SYNE3: variants seen among roughly 807,000 people sequenced by gnomAD.
SYNE3 encodes the protein nesprin-3.
SYNE3 carries 100 observed loss-of-function variants against 111.2 expected under a neutral mutation model. The observed-to-expected ratio is 0.90, with a 90% CI of 0.77 to 1.06. The LOEUF (loss-of-function observed/expected upper bound fraction) is 1.06, where lower values mean the gene tolerates loss of function less well. SYNE3 is among the 50% of genes least tolerant of loss of function. The pLI, the probability that SYNE3 is intolerant of heterozygous loss-of-function variation, is 0.00. For synonymous variants in SYNE3, 547 were observed against 533.9 expected, an observed-to-expected ratio of 1.02 and a Z score of -0.34; for missense variants, 1,160 against 1,240.3, an observed-to-expected ratio of 0.94 and a Z score of 0.97.
chr14:95,433,512 G>A (rs1595184579), intron 15 of SYNE3, 103 bp from the exon 16 acceptor site: 1 of 1,497,086 alleles, frequency 6.7e-7, no homozygotes, highest in Non-Finnish European at 9.1e-7. Context: ...CAGACAGGTA[G>A]GCAGGGAGGA....
chr14:95,493,223 G>T (rs1889931045), intron 1 of SYNE3, among the ~76,000 whole-genome samples: 1 of 152,154 alleles, frequency 6.6e-6, no homozygotes, highest in Non-Finnish European at 1.5e-5. Flanking sequence ...TCCAAATGGA[G>T]AACAGTACGT....
intron 1 of SYNE3, among the ~76,000 whole-genome samples, chr14:95,506,654 G>A (rs962052292): frequency 6.6e-6 from 1 of 152,240 alleles, no homozygotes; most frequent in Non-Finnish European, 1.5e-5. Context: ...CAGCTAAGGA[G>A]CACCCAAGGA....
chr14:95,465,548 C>T lies in SYNE3; in HGVS notation c.627+383G>A, dbSNP rs4905327. Among the ~76,000 whole-genome samples, 817 of 151,966 alleles carry T rather than the reference C, an allele frequency of 5.4e-3. 25 individuals are homozygous for T. Among genetic ancestry groups the T allele is most frequent in the Admixed American group, 0.044 (674 of 15,282 alleles). On this transcript the variant is annotated intron_variant, in intron 4 of 17. Coordinates refer to ENST00000682763, the MANE Select transcript of SYNE3 (RefSeq NM_152592.6). Reference sequence around the variant, plus strand: ...AGGTGAATGAGTAGATAGATGAATGCGTGGGCGATTAAGTGGTTGAAGAGA... The same window carrying T: ...AGGTGAATGAGTAGATAGATGAATGTGTGGGCGATTAAGTGGTTGAAGAGA...
intron 17 of SYNE3, among the ~76,000 whole-genome samples, chr14:95,419,199 T>C (rs114401684): frequency 1.2e-3 from 188 of 152,270 alleles, no homozygotes; most frequent in African/African-American, 4.4e-3. Context: ...ATGGTCAAGA[T>C]GCTGCAGAGT....
intron 1 of SYNE3, among the ~76,000 whole-genome samples, chr14:95,494,396 G>A (rs1305106614): frequency 6.6e-6 from 1 of 152,224 alleles, no homozygotes; most frequent in Non-Finnish European, 1.5e-5. Context: ...AAGATGAGAA[G>A]TGGGAAAGGG....
At chr14:95,449,239 C>T (rs1375351018) in intron 8 of SYNE3, among the ~76,000 whole-genome samples, 2 of 152,170 alleles carry the variant, frequency 1.3e-5, no homozygotes, top group African/African-American at 2.4e-5. Context: ...GGCACTGAGT[C>T]TAATTGGTAC....
chr14:95,478,779 T>C (rs987899548), intron 1 of SYNE3, among the ~76,000 whole-genome samples: 7 of 152,320 alleles, frequency 4.6e-5, no homozygotes, highest in African/African-American at 1.7e-4. Context: ...GTCAGACCCT[T>C]TCTTAGCTCA....
At chr14:95,492,237 T>C (rs887448834) in intron 1 of SYNE3, among the ~76,000 whole-genome samples, 7 of 152,204 alleles carry the variant, frequency 4.6e-5, no homozygotes, top group South Asian at 2.1e-4. Flanking sequence ...ATATTAAACA[T>C]AGAGCTTCCA....
chr14:95,506,474 G>A (rs1189775544), intron 1 of SYNE3, among the ~76,000 whole-genome samples: 2 of 152,200 alleles, frequency 1.3e-5, no homozygotes, highest in Non-Finnish European at 2.9e-5. Flanking sequence ...GGCCCATCAT[G>A]CCTTCCTAGA....
Position 95,466,273 on chromosome 14 carries a change from AACCAGCCACCTGCCTCCTGGGTCG to A in SYNE3, c.318-57_318-34del, listed in dbSNP as rs1888169494. 3.3e-6 allele frequency: 5 copies of A among 1,529,248 alleles called. No individual in the cohort carries two copies. In the African/African-American group the frequency reaches 6.8e-5, roughly 21 times the overall value. 94.7% of individuals were successfully genotyped at this position (1,529,248 alleles called of 1,614,324 possible). On this transcript the variant is annotated intron_variant, in intron 3 of 17. Transcript: ENST00000682763. ...CACAGAGACCTCAAGGTTGTGAGGGAACCAGCCACCTGCCTCCTGGGTCGGGGGTCTGTGCTGTCACCCCCTCCC... is the reference window on the plus strand; with the variant it reads ...CACAGAGACCTCAAGGTTGTGAGGGAGGGGTCTGTGCTGTCACCCCCTCCC...
intron 11 of SYNE3, among the ~76,000 whole-genome samples, chr14:95,441,568 C>T (rs948301181): frequency 2.0e-5 from 3 of 152,250 alleles, no homozygotes; most frequent in Non-Finnish European, 4.4e-5. Flanking sequence ...CATTTTGCAA[C>T]ACCGAGTGAT....
At chr14:95,439,536 C>T in intron 13 of SYNE3, 76 bp downstream of exon 13, 4 of 1,577,508 alleles carry the variant, frequency 2.5e-6, no homozygotes, top group Non-Finnish European at 3.4e-6. Flanking sequence ...CCCTCTGCTC[C>T]ACGAGCACCT....
intron 11 of SYNE3, 29 bp from the exon 12 acceptor site, chr14:95,440,104 A>G (rs910791): frequency 0.53 from 825,102 of 1,564,692 alleles, 221,419 homozygotes; most frequent in East Asian, 0.76. Flanking sequence ...AGCCCAGGGC[A>G]TCCTGAGTGC....
At chr14:95,494,798 T>A (rs901797339) in intron 1 of SYNE3, among the ~76,000 whole-genome samples, 1 of 152,158 alleles carries the variant, frequency 6.6e-6, no homozygotes, top group Non-Finnish European at 1.5e-5. Flanking sequence ...TCCTATTTAT[T>A]GTAAACCTGC....
chr14:95,484,809 C>G (rs1889455968), intron 1 of SYNE3, among the ~76,000 whole-genome samples: 1 of 152,156 alleles, frequency 6.6e-6, no homozygotes, highest in Non-Finnish European at 1.5e-5. Context: ...GGATGTGTTG[C>G]ATATGTATAA....
At position 95,475,544 on chromosome 14, in the gene SYNE3, T is replaced by G. The variant is rs1399025799; in HGVS notation, c.144+134A>C. The G allele has an allele frequency of 1.3e-5, 14 of 1,052,112 alleles. No homozygotes were observed. In the South Asian group the frequency reaches 3.5e-4, roughly 26 times the overall value. 65.2% of individuals were successfully genotyped at this position (1,052,112 alleles called of 1,614,324 possible). A position where few individuals can be genotyped will look rare whatever the true frequency, so the allele number is the denominator to read the frequency against. ...ACTTAAACAAAATCTCCAGGAGATC[T>G]GTGTGCACATCAGAGTTTGAGAAAC... On this transcript the variant is annotated intron_variant, in intron 2 of 17. Coordinates refer to ENST00000682763, the MANE Select transcript of SYNE3 (RefSeq NM_152592.6).
intron 1 of SYNE3, among the ~76,000 whole-genome samples, chr14:95,490,623 G>C (rs1368382782): frequency 1.3e-5 from 2 of 152,236 alleles, no homozygotes. Flanking sequence ...CAAGCCCCTG[G>C]TCAGCATGCT....
chr14:95,460,421 A>G (rs530749657), intron 4 of SYNE3, among the ~76,000 whole-genome samples: 83 of 133,424 alleles, frequency 6.2e-4, no homozygotes, highest in Non-Finnish European at 4.0e-4. Flanking sequence ...GGGTTTCACC[A>G]TGTTGGCTAG....
intron 1 of SYNE3, among the ~76,000 whole-genome samples, chr14:95,491,049 G>A (rs1168579333): frequency 6.6e-6 from 1 of 152,172 alleles, no homozygotes; most frequent in Non-Finnish European, 1.5e-5. Context: ...TCAACTTCTT[G>A]GAAAGGCAGG....
Sources: gnomAD v4.1 joint callset for allele counts (sites outside exome capture counted in the v4.1 genomes callset) on GRCh38, gnomAD v4.1.1 for gene constraint, MANE v1.5 for transcripts, NCBI Gene and HGNC (gene_info 2026-07-23, HGNC 2026-07-21) for gene names.